The following TUSC3 variants were observed in gnomAD, a reference collection of about 807,000 sequenced individuals.
TUSC3 encodes the protein tumor suppressor candidate 3, also known as dolichyl-diphosphooligosaccharide--protein glycosyltransferase subunit TUSC3.
A neutral mutation model predicts 44.8 loss-of-function variants in TUSC3; 45 were observed. That is an observed-to-expected ratio of 1.00 (90% confidence interval 0.79 to 1.29). The LOEUF is 1.29. Among genes scored for constraint, TUSC3 ranks in the 50% most tolerant of loss-of-function variants. TUSC3 has a pLI of 0.00. For synonymous variants in TUSC3, 212 were observed against 152.9 expected, an observed-to-expected ratio of 1.39 and a Z score of -2.85; for missense variants, 519 against 437.9, an observed-to-expected ratio of 1.19 and a Z score of -1.65.
At chr8:15,689,006 C>A (rs35772780) in intron 6 of TUSC3, 56,120 of 251,804 alleles carry the variant, frequency 0.22, 7,561 homozygotes, top group Non-Finnish European at 0.29. Flanking sequence ...TACAGTCAAA[C>A]AACCGGGCCA....
Position 15,623,198 on chromosome 8 carries a change from T to C in TUSC3, c.257T>C (p.Met86Thr). Reference sequence around the variant, plus strand: ...AAGGCACCACCTCGAAACTATTCCATGATTGTTATGTTCACTGCTCTTCAG... The same window carrying C: ...AAGGCACCACCTCGAAACTATTCCACGATTGTTATGTTCACTGCTCTTCAG... ...FIKAPPRNYS[M>T]IVMFTALQPQ... The change falls in exon 2 of 11, where the codon ATG becomes ACG. Residue 86 changes from methionine (M) to threonine (T), a missense_variant. Coordinates refer to ENST00000503731, the MANE Select transcript of TUSC3 (RefSeq NM_006765.4). 1 of 1,613,454 alleles carries C rather than the reference T, an allele frequency of 6.2e-7. No homozygotes were observed. The highest frequency in any genetic ancestry group is 1.7e-5 in the Admixed American group (1 of 59,988).
chr8:15,675,303 T>C (rs1808135934), intron 6 of TUSC3, among the ~76,000 whole-genome samples: 1 of 150,788 alleles, frequency 6.6e-6, no homozygotes, highest in Non-Finnish European at 1.5e-5. Flanking sequence ...AAGAGTATTC[T>C]TTAGGTATAA....
chr8:15,506,572 A>G (rs1199659199), intron 2 of TUSC3, among the ~76,000 whole-genome samples: 3 of 152,170 alleles, frequency 2.0e-5, no homozygotes, highest in Admixed American at 6.5e-5. Flanking sequence ...AGGCCTCACA[A>G]TCATGGCAGG....
intron 1 of TUSC3, among the ~76,000 whole-genome samples, chr8:15,581,673 GT>G (rs1410677757): frequency 6.7e-6 from 1 of 148,586 alleles, no homozygotes; most frequent in African/African-American, 2.5e-5. Flanking sequence ...CAGTCTGCCC[GT>G]TCTCAGATCT....
intron 1 of TUSC3, among the ~76,000 whole-genome samples, chr8:15,570,560 A>G (rs1442473840): frequency 6.6e-6 from 1 of 152,154 alleles, no homozygotes; most frequent in East Asian, 1.9e-4. Context: ...TACGATTTAT[A>G]TTTTGTTGTT....
At position 15,730,665 on chromosome 8, in the gene TUSC3, G is replaced by A. The variant is rs1280077151; in HGVS notation, c.799-1G>A. 1.9e-6 allele frequency: 3 copies of A among 1,612,664 alleles called. No homozygotes were observed. The highest frequency in any genetic ancestry group is 1.1e-5 in the South Asian group (1 of 90,978). Reference sequence around the variant, plus strand: ...TAATTTCTGTTTGTCTTCTTTTATAGAGCTACATTCATGGGAGCAGCCAGG... The same window carrying A: ...TAATTTCTGTTTGTCTTCTTTTATAAAGCTACATTCATGGGAGCAGCCAGG... On this transcript the variant is annotated splice_acceptor_variant, in intron 6 of 10. Transcript: ENST00000503731. LOFTEE classifies it high-confidence loss of function.
At chr8:15,745,437 C>G (rs189158255) in intron 8 of TUSC3, among the ~76,000 whole-genome samples, 1 of 152,156 alleles carries the variant, frequency 6.6e-6, no homozygotes, top group Admixed American at 6.6e-5. Flanking sequence ...AGTGCATAAG[C>G]ATTCCCTTTT....
chr8:15,502,414 C>G (rs182077782), intron 2 of TUSC3, among the ~76,000 whole-genome samples: 7 of 152,332 alleles, frequency 4.6e-5, no homozygotes, highest in Admixed American at 3.3e-4. Context: ...ACCATCAGGA[C>G]TAGATTGACA....
At chr8:15,805,363 C>G in the TUSC3 span, among the ~76,000 whole-genome samples, 3 of 152,044 alleles carry the variant, frequency 2.0e-5, no homozygotes, top group African/African-American at 7.2e-5. Flanking sequence ...ACTTCCAGTA[C>G]TATGTTGAAT....
At chr8:15,700,261 A>G (rs753517705) in intron 6 of TUSC3, among the ~76,000 whole-genome samples, 2 of 152,190 alleles carry the variant, frequency 1.3e-5, no homozygotes, top group African/African-American at 4.8e-5. Context: ...ATTCAATTCA[A>G]TGAATAACTA....
chr8:15,485,919 C>A (rs934829697), intron 2 of TUSC3, among the ~76,000 whole-genome samples: 1 of 151,896 alleles, frequency 6.6e-6, no homozygotes, highest in East Asian at 1.9e-4. Context: ...GCCTCCTGAG[C>A]AGCTGGGATT....
chr8:15,624,737 A>T (rs746612151), intron 2 of TUSC3, among the ~76,000 whole-genome samples: 1 of 152,054 alleles, frequency 6.6e-6, no homozygotes. Flanking sequence ...ATTTTCTCCC[A>T]GTTTGTGACT....
At chr8:15,486,284 A>G (rs1417129454) in intron 2 of TUSC3, among the ~76,000 whole-genome samples, 1 of 152,210 alleles carries the variant, frequency 6.6e-6, no homozygotes, top group Non-Finnish European at 1.5e-5. Context: ...TAGAGTAATC[A>G]TTAAGACTTG....
At chr8:15,573,834 C>A (rs2129144199) in intron 1 of TUSC3, among the ~76,000 whole-genome samples, 1 of 151,978 alleles carries the variant, frequency 6.6e-6, no homozygotes, top group Non-Finnish European at 1.5e-5. Context: ...GCAGAAATGT[C>A]ATGGAGAATT....
At chr8:15,468,692 A>T (rs1295423079) in intron 1 of TUSC3, among the ~76,000 whole-genome samples, 1 of 152,120 alleles carries the variant, frequency 6.6e-6, no homozygotes, top group Non-Finnish European at 1.5e-5. Flanking sequence ...CAGGCTAGAG[A>T]CTTCTAGAAA....
At chr8:15,530,206 T>A (rs908113282) in intron 2 of TUSC3, among the ~76,000 whole-genome samples, 3 of 152,006 alleles carry the variant, frequency 2.0e-5, no homozygotes, top group Admixed American at 1.3e-4. Context: ...ATAAGGACAG[T>A]TTGACAAGTC....
At chr8:15,602,472 T>C (rs978024462) in intron 1 of TUSC3, among the ~76,000 whole-genome samples, 16 of 151,528 alleles carry the variant, frequency 1.1e-4, no homozygotes, top group African/African-American at 3.6e-4. Flanking sequence ...GTAAAAAGTA[T>C]TGTGTTTATT....
chr8:15,777,718 T>TG, the TUSC3 span, among the ~76,000 whole-genome samples: 2 of 152,174 alleles, frequency 1.3e-5, no homozygotes, highest in Non-Finnish European at 2.9e-5. Flanking sequence ...CAAAGGTAAA[T>TG]GCTTAAAGGT....
chr8:15,645,372 C>T (rs1453459716), intron 2 of TUSC3, among the ~76,000 whole-genome samples: 1 of 152,090 alleles, frequency 6.6e-6, no homozygotes, highest in Non-Finnish European at 1.5e-5. Context: ...TTTTCTCTCC[C>T]TGTCCTTGCT....
Sources: gnomAD v4.1 joint callset for allele counts (sites outside exome capture counted in the v4.1 genomes callset) on GRCh38, gnomAD v4.1.1 for gene constraint, MANE v1.5 for transcripts, NCBI Gene and HGNC (gene_info 2026-07-23, HGNC 2026-07-21) for gene names.